MYH15: variants seen among roughly 807,000 people sequenced by gnomAD.
MYH15 encodes the protein myosin heavy chain 15.
Under a neutral mutation model 240.5 loss-of-function variants are expected in MYH15, and 227 were observed. That is an observed-to-expected ratio of 0.94 (90% confidence interval 0.85 to 1.05). The LOEUF is 1.05. Ranked by LOEUF, MYH15 falls within the 50% of genes least tolerant of loss-of-function variation. MYH15 has a pLI of 0.00. For synonymous variants in MYH15, 785 were observed against 796.7 expected, an observed-to-expected ratio of 0.99 and a Z score of 0.25; for missense variants, 2,217 against 2,247.5, an observed-to-expected ratio of 0.99 and a Z score of 0.27.
chr3:108,514,088 CAAGA>C (rs1447077202), upstream of MYH15, among the ~76,000 whole-genome samples: 1 of 152,120 alleles, frequency 6.6e-6, no homozygotes, highest in African/African-American at 2.4e-5. Context: ...TCCTCTTAGC[CAAGA>C]AAGAATCATG....
intron 11 of MYH15, among the ~76,000 whole-genome samples, chr3:108,477,659 A>G (rs2083231882): frequency 1.3e-5 from 2 of 152,154 alleles, no homozygotes; most frequent in South Asian, 4.1e-4. Flanking sequence ...ACAAGCACCA[A>G]TCAACAGAAG....
intron 12 of MYH15, among the ~76,000 whole-genome samples, chr3:108,475,836 A>C (rs563103913): frequency 9.8e-5 from 15 of 152,336 alleles, no homozygotes; most frequent in East Asian, 9.6e-4. Flanking sequence ...TACTGCATTA[A>C]GGCAAAGCCT....
intron 25 of MYH15, among the ~76,000 whole-genome samples, chr3:108,435,922 C>A (rs1285114174): frequency 6.6e-6 from 1 of 151,518 alleles, no homozygotes; most frequent in Non-Finnish European, 1.5e-5. Flanking sequence ...TATATATTGG[C>A]TATTGTGAAT....
intron 21 of MYH15, among the ~76,000 whole-genome samples, chr3:108,445,553 G>A (rs2082920080): frequency 6.6e-6 from 1 of 151,582 alleles, no homozygotes; most frequent in Non-Finnish European, 1.5e-5. Context: ...TTCAACCCTT[G>A]GGGTAGGAAA....
chr3:108,395,631 C>CTT (rs2082454306), intron 35 of MYH15, among the ~76,000 whole-genome samples: 12 of 117,630 alleles, frequency 1.0e-4, no homozygotes, highest in African/African-American at 1.3e-4. Context: ...TTTTTTTTTT[C>CTT]TTTCTTTTTT....
At position 108,441,006 on chromosome 3, in the gene MYH15, T is replaced by C. The variant is rs751880448; in HGVS notation, c.2898+12A>G. The C allele has an allele frequency of 2.5e-6, 4 of 1,612,858 alleles. No homozygotes were observed. In the South Asian group the frequency reaches 3.3e-5, roughly 13 times the overall value. ...TGCTAGGCCTTCTTAACTAACATTA[T>C]GGAAAAAGTACCTTGTGCTCTGTAG... On this transcript the variant is annotated intron_variant, in intron 23 of 40. Coordinates refer to ENST00000693548, the MANE Select transcript of MYH15 (RefSeq NM_014981.3).
At chr3:108,441,386 T>C in intron 22 of MYH15, 126 bp from the exon 23 acceptor site, 1 of 1,044,186 alleles carries the variant, frequency 9.6e-7, no homozygotes. Context: ...CACCTACCTT[T>C]CCTAAACAGC....
At chr3:108,421,004 T>C (rs1187169931) in intron 28 of MYH15, 84 bp downstream of exon 28, 1 of 1,571,952 alleles carries the variant, frequency 6.4e-7, no homozygotes, top group Admixed American at 1.7e-5. Flanking sequence ...TCAGCCTCAG[T>C]GGGTAGTTCA....
intron 21 of MYH15, among the ~76,000 whole-genome samples, chr3:108,450,851 G>GA (rs916640055): frequency 1.3e-5 from 2 of 150,720 alleles, no homozygotes; most frequent in African/African-American, 2.4e-5. Context: ...TTAGAAAAAG[G>GA]AAAAAAATAA....
In MYH15 at chr3:108,485,212, C is replaced by T. The variant is rs147237095; in HGVS notation, c.993G>A (p.Leu331=). 1.9e-3 allele frequency: 3,047 copies of T among 1,613,948 alleles called. 21 individuals carry two copies. Among genetic ancestry groups the T allele is most frequent in the African/African-American group, 0.019 (1,402 of 75,004 alleles). ...CATACTTCTCATCAGGAAGAAAGCC[C>T]AAGATGTCCATGGCTTGCTGTAAAA... ...LLATEQAMDI[L]GFLPDEKYGC... Residue 331 remains leucine (L), a synonymous_variant, in exon 11 of 41, where the codon TTG becomes TTA. Coordinates refer to ENST00000693548, the MANE Select transcript of MYH15 (RefSeq NM_014981.3).
chr3:108,515,614 A>G (rs1392569189), intron 1 of MYH15, among the ~76,000 whole-genome samples: 1 of 152,212 alleles, frequency 6.6e-6, no homozygotes, highest in Non-Finnish European at 1.5e-5. Context: ...CTGTCCCAAC[A>G]AAGTTTCTTA....
chr3:108,418,558 G>T (rs2082653660), intron 28 of MYH15, among the ~76,000 whole-genome samples: 1 of 151,742 alleles, frequency 6.6e-6, no homozygotes, highest in African/African-American at 2.4e-5. Context: ...CAACCTCATA[G>T]ACCCCCTATA....
Position 108,441,035 on chromosome 3 carries a change from G to A in MYH15, c.2881C>T (p.Arg961Cys), listed in dbSNP as rs983004146. Residue 961 changes from arginine to cysteine, a missense_variant, in exon 23 of 41, where the codon CGT becomes TGT. Arg to Cys is a radical substitution (Grantham distance 180). Coordinates refer to ENST00000693548, the MANE Select transcript of MYH15 (RefSeq NM_014981.3). ...AAAAGTACCTTGTGCTCTGTAGTAC[G>A]CTTCTCCTTCTCTGACTTCACCAAC... ...TMLVKSEKEK[R>C]TTEHKVKNLT... The A allele has an allele frequency of 1.9e-6, 3 of 1,614,110 alleles. No homozygotes were observed. The highest frequency in any genetic ancestry group is 2.7e-5 in the African/African-American group (2 of 75,020).
intron 1 of MYH15, among the ~76,000 whole-genome samples, chr3:108,523,603 T>C (rs2083641111): frequency 6.6e-6 from 1 of 151,912 alleles, no homozygotes. Flanking sequence ...CTTGCCTTTG[T>C]CCTCTTGCTA....
chr3:108,521,035 T>C (rs2107267071), intron 1 of MYH15, among the ~76,000 whole-genome samples: 1 of 152,224 alleles, frequency 6.6e-6, no homozygotes, highest in South Asian at 2.1e-4. Flanking sequence ...GATTTGAGCC[T>C]AGATGTTGAG....
chr3:108,474,122 CA>C (rs1302098429), intron 12 of MYH15, among the ~76,000 whole-genome samples: 1 of 151,900 alleles, frequency 6.6e-6, no homozygotes, highest in Non-Finnish European at 1.5e-5. Context: ...GTTAACGTTG[CA>C]AAAATTTTTC....
chr3:108,533,967 C>A (rs1057493210), upstream of MYH15, among the ~76,000 whole-genome samples: 5 of 152,168 alleles, frequency 3.3e-5, no homozygotes, highest in Admixed American at 6.5e-5. Flanking sequence ...CAATGTATAA[C>A]CAAGTAGATC....
chr3:108,423,317 T>C (rs916246168), intron 27 of MYH15, among the ~76,000 whole-genome samples: 2 of 152,232 alleles, frequency 1.3e-5, no homozygotes, highest in Non-Finnish European at 2.9e-5. Flanking sequence ...TACTGAATTA[T>C]GTCTTCTTAT....
At chr3:108,390,514 T>C (rs2082415971) in intron 37 of MYH15, among the ~76,000 whole-genome samples, 1 of 152,252 alleles carries the variant, frequency 6.6e-6, no homozygotes, top group Admixed American at 6.5e-5. Context: ...GTTTCTCTTA[T>C]ACCAAAAATC....
Sources: allele counts gnomAD v4.1 joint callset (sites outside exome capture counted in the v4.1 genomes callset), GRCh38; gene constraint gnomAD v4.1.1; transcripts MANE v1.5; gene names NCBI Gene and HGNC (gene_info 2026-07-23, HGNC 2026-07-21).